The following SAMD3 variants were observed in gnomAD, a reference collection of about 807,000 sequenced individuals.
SAMD3 encodes sterile alpha motif domain-containing protein 3.
Under a neutral mutation model 58.5 loss-of-function variants are expected in SAMD3, and 63 were observed. That is an observed-to-expected ratio of 1.08 (90% confidence interval 0.88 to 1.33). The LOEUF is 1.33. Among genes scored for constraint, SAMD3 ranks in the 40% most tolerant of loss-of-function variants. The probability of loss-of-function intolerance (pLI) is 0.00; values close to 1 mark genes in which losing one functional copy is unlikely to be tolerated. For missense variants in SAMD3, 604 were observed against 608.4 expected, an observed-to-expected ratio of 0.99 and a Z score of 0.08; for synonymous variants, 220 against 210.3, an observed-to-expected ratio of 1.05 and a Z score of -0.40.
chr6:130,278,265 A>T (rs1774854100), intron 2 of SAMD3, among the ~76,000 whole-genome samples: 1 of 151,928 alleles, frequency 6.6e-6, no homozygotes, highest in South Asian at 2.1e-4. Flanking sequence ...AGCACTCCCA[A>T]CTCACTGGCC....
At chr6:130,274,752 C>T (rs1288695834) in intron 2 of SAMD3, among the ~76,000 whole-genome samples, 2 of 145,274 alleles carry the variant, frequency 1.4e-5, no homozygotes, top group Non-Finnish European at 3.0e-5. Flanking sequence ...GCCTAAATAT[C>T]TTTTTTTTTT....
intron 5 of SAMD3, among the ~76,000 whole-genome samples, chr6:130,197,670 C>G (rs187726506): frequency 6.6e-6 from 1 of 152,298 alleles, no homozygotes; most frequent in African/African-American, 2.4e-5. Flanking sequence ...CTCTCCCACT[C>G]TAGGTTCCCA....
intron 8 of SAMD3, among the ~76,000 whole-genome samples, chr6:130,162,472 GA>G (rs1166416179): frequency 6.6e-6 from 1 of 152,092 alleles, no homozygotes; most frequent in African/African-American, 2.4e-5. Flanking sequence ...AGTTTACAAA[GA>G]GAGTATCTTG....
chr6:130,317,070 G>C (rs1247859919), intron 1 of SAMD3, among the ~76,000 whole-genome samples: 1 of 152,180 alleles, frequency 6.6e-6, no homozygotes, highest in Non-Finnish European at 1.5e-5. Flanking sequence ...GGACCAGTGA[G>C]AAATCCTGAG....
intron 5 of SAMD3, among the ~76,000 whole-genome samples, chr6:130,194,512 T>C (rs1019144824): frequency 6.6e-6 from 1 of 152,214 alleles, no homozygotes; most frequent in African/African-American, 2.4e-5. Flanking sequence ...GCCTCCACTG[T>C]GAGACAAACC....
intron 5 of SAMD3, among the ~76,000 whole-genome samples, chr6:130,204,483 T>G (rs1322901127): frequency 6.6e-6 from 1 of 151,904 alleles, no homozygotes; most frequent in Admixed American, 6.6e-5. Context: ...AGTGCATGCC[T>G]GCAGTGAGGA....
chr6:130,162,171 T>TA (rs1790336512), intron 8 of SAMD3: 3 of 676,052 alleles, frequency 4.4e-6, no homozygotes, highest in East Asian at 2.7e-5. Context: ...TTTGGCAACA[T>TA]AGAGTGTGGT....
chr6:130,220,885 G>A (rs1013012545), intron 1 of SAMD3, among the ~76,000 whole-genome samples: 2 of 150,780 alleles, frequency 1.3e-5, no homozygotes, highest in Non-Finnish European at 2.9e-5. Flanking sequence ...TGACAGTCTC[G>A]CTCTGTTGCC....
chr6:130,183,443 C>G (rs554393530), intron 7 of SAMD3: 1 of 441,778 alleles, frequency 2.3e-6, no homozygotes, highest in African/African-American at 2.1e-5. Context: ...CCAGGTAAGG[C>G]TGGAGGCCCA....
Position 130,263,519 on chromosome 6 carries a change from G to A in SAMD3, c.-187-40706C>T, listed in dbSNP as rs992004238. On this transcript the variant is annotated intron_variant, in intron 2 of 13. Transcript: ENST00000368134. ...CTCATCATGCCCGACTCAAGAAAGC[G>A]CCACCCCCTCCAGAGTCGTGGGCCA... Among the ~76,000 whole-genome samples the A allele has an allele frequency of 6.6e-5, 10 of 151,960 alleles. No homozygotes were observed. The East Asian group carries it at 7.7e-4, about 12-fold the overall frequency.
intron 2 of SAMD3, among the ~76,000 whole-genome samples, chr6:130,233,332 A>C (rs1447626516): frequency 6.6e-6 from 1 of 152,224 alleles, no homozygotes; most frequent in East Asian, 1.9e-4. Context: ...TACATGTGCC[A>C]CGGTGGTTTG....
intron 9 of SAMD3, among the ~76,000 whole-genome samples, chr6:130,148,676 C>T (rs1244723507): frequency 2.6e-5 from 4 of 152,118 alleles, no homozygotes; most frequent in Admixed American, 6.5e-5. Context: ...AGTTTGAGAC[C>T]AGCCTGAGCA....
At chr6:130,269,197 C>T (rs942423566) in intron 2 of SAMD3, among the ~76,000 whole-genome samples, 18 of 152,152 alleles carry the variant, frequency 1.2e-4, no homozygotes, top group African/African-American at 4.3e-4. Context: ...TGCTCCAGCA[C>T]CATTTGTCGC....
chr6:130,147,623 A>G (rs1293506176), intron 9 of SAMD3, among the ~76,000 whole-genome samples: 4 of 152,202 alleles, frequency 2.6e-5, no homozygotes, highest in Non-Finnish European at 5.9e-5. Flanking sequence ...ACAATGCCCC[A>G]CTATTCCTTA....
intron 7 of SAMD3, among the ~76,000 whole-genome samples, chr6:130,179,934 C>A (rs968560585): frequency 2.0e-5 from 3 of 151,152 alleles, no homozygotes; most frequent in African/African-American, 7.3e-5. Flanking sequence ...CCTGCCTCAG[C>A]CTCCCGTGTA....
At position 130,154,871 on chromosome 6, in the gene SAMD3, A is replaced by G. The variant is rs139041970; in HGVS notation, c.977T>C (p.Leu326Pro). The G allele has an allele frequency of 3.1e-6, 5 of 1,613,262 alleles. No individual in the cohort carries two copies. In the Admixed American group the frequency reaches 6.7e-5, roughly 22 times the overall value. The change falls in exon 9 of 12, where the codon CTG becomes CCG. Residue 326 changes from leucine to proline, a missense_variant. Transcript: ENST00000439090. ...RRKMIGSRTP[L>P]KDILKLFPFL... is the part of the protein sequence containing the mutation. ...AGGAAACAGTTTAAGAATGTCCTTC[A>G]GAGGTGTTCGGCTGCCAATCATCTT...
intron 2 of SAMD3, among the ~76,000 whole-genome samples, chr6:130,250,899 C>T (rs940040986): frequency 4.5e-4 from 69 of 152,266 alleles, no homozygotes; most frequent in African/African-American, 1.6e-3. Context: ...CTGCTACAAA[C>T]ATGCATGTAC....
chr6:130,207,727 G>A (rs1795203205), intron 5 of SAMD3, among the ~76,000 whole-genome samples: 1 of 152,208 alleles, frequency 6.6e-6, no homozygotes, highest in Admixed American at 6.5e-5. Flanking sequence ...AATGGATTTT[G>A]CACCTACGAC....
chr6:130,220,881 T>C (rs376033256), intron 1 of SAMD3, among the ~76,000 whole-genome samples: 31 of 152,084 alleles, frequency 2.0e-4, no homozygotes, highest in Admixed American at 8.5e-4. Flanking sequence ...TTTTTGACAG[T>C]CTCGCTCTGT....
Sources: allele counts gnomAD v4.1 joint callset (sites outside exome capture counted in the v4.1 genomes callset), GRCh38; gene constraint gnomAD v4.1.1; transcripts MANE v1.5; gene names NCBI Gene and HGNC (gene_info 2026-07-23, HGNC 2026-07-21).